Variants in GRIA4 observed in about 807,000 individuals in gnomAD.
The protein encoded by GRIA4 is glutamate ionotropic receptor AMPA type subunit 4, also known as glutamate receptor 4.
Under a neutral mutation model 104.0 loss-of-function variants are expected in GRIA4, and 34 were observed. The observed-to-expected ratio is 0.33, with a 90% CI of 0.25 to 0.44. GRIA4 has a LOEUF of 0.44. Ranked by LOEUF, GRIA4 falls within the 20% of genes least tolerant of loss-of-function variation. The pLI, the probability that GRIA4 is intolerant of heterozygous loss-of-function variation, is 1.00. For synonymous variants in GRIA4, 386 were observed against 381.9 expected, an observed-to-expected ratio of 1.01 and a Z score of -0.13; for missense variants, 750 against 1,096.5, an observed-to-expected ratio of 0.68 and a Z score of 4.46.
At chr11:105,874,261 G>A (rs898268490) in intron 5 of GRIA4, among the ~76,000 whole-genome samples, 35 of 152,226 alleles carry the variant, frequency 2.3e-4, no homozygotes, top group African/African-American at 8.2e-4. Flanking sequence ...ACTCTGTTCT[G>A]TTCCATTGGT....
At chr11:105,858,001 T>TGTAAGG (rs1945076481) in intron 4 of GRIA4, among the ~76,000 whole-genome samples, 1 of 152,148 alleles carries the variant, frequency 6.6e-6, no homozygotes, top group Non-Finnish European at 1.5e-5. Context: ...AGTGTTGACA[T>TGTAAGG]GTAAGGGTGC....
At chr11:105,860,141 C>T (rs1945165387) in intron 4 of GRIA4, among the ~76,000 whole-genome samples, 1 of 151,994 alleles carries the variant, frequency 6.6e-6, no homozygotes, top group Admixed American at 6.6e-5. Context: ...TCTTCCTCTT[C>T]GGGGAATTTT....
At chr11:105,817,491 T>A (rs1471379991) in intron 4 of GRIA4, among the ~76,000 whole-genome samples, 2 of 151,044 alleles carry the variant, frequency 1.3e-5, no homozygotes, top group East Asian at 1.9e-4. Flanking sequence ...AGTTTTTAAA[T>A]TTTTTTTTCT....
chr11:105,870,530 CACAATGTGGAAAGGT>C lies in GRIA4; in HGVS notation c.672+8327_672+8341del, dbSNP rs1945575000. On this transcript the variant is annotated intron_variant, in intron 5 of 16. Transcript: ENST00000282499. ...AGAAGAACACAATCAAATAACGCAG[CACAATGTGGAAAGGT>C]ACAAAAAAAAAAAAGACAGAAGCAA... Among the ~76,000 whole-genome samples, 4 of 142,618 alleles carry C rather than the reference CACAATGTGGAAAGGT, an allele frequency of 2.8e-5. No individual in the cohort carries two copies. In the South Asian group the frequency reaches 9.0e-4, roughly 32 times the overall value. The allele number at this position is 142,618 out of a possible 152,430, so 93.6% of individuals were successfully genotyped here.
chr11:105,927,059 T>C, intron 13 of GRIA4, 120 bp downstream of exon 13: 2 of 661,216 alleles, frequency 3.0e-6, no homozygotes, highest in Non-Finnish European at 5.3e-6. Context: ...TAGTAATAGC[T>C]ATGTTTAAGG....
intron 14 of GRIA4, among the ~76,000 whole-genome samples, chr11:105,947,122 ATATC>A (rs1473047528): frequency 1.3e-5 from 2 of 152,208 alleles, no homozygotes; most frequent in African/African-American, 2.4e-5. Context: ...TCAAAACATA[ATATC>A]TATTTATGTA....
At chr11:105,759,731 T>C (rs981575870) in intron 4 of GRIA4, among the ~76,000 whole-genome samples, 5 of 152,162 alleles carry the variant, frequency 3.3e-5, no homozygotes, top group Non-Finnish European at 7.3e-5. Context: ...TGGGTAACTC[T>C]TATTCACCAT....
In GRIA4 at chr11:105,878,877, G is replaced by GC. The variant is rs1363624670; in HGVS notation, c.673-8636dup. On this transcript the variant is annotated intron_variant, in intron 5 of 16. Coordinates refer to ENST00000282499, the MANE Select transcript of GRIA4 (RefSeq NM_000829.4). ...TAGACAACTTGGCTCCCTGGCTTCA[G>GC]CCCCCCTTTCCAGAGGAGTAAATGG... Among the ~76,000 whole-genome samples, 14 of 152,284 alleles carry GC rather than the reference G, an allele frequency of 9.2e-5. No homozygotes were observed. In the South Asian group the frequency reaches 2.7e-3, roughly 29 times the overall value.
In GRIA4 at chr11:105,926,881, A is replaced by G; in HGVS notation, c.1988A>G (p.Lys663Arg). Residue 663 changes from lysine (K) to arginine (R), a missense_variant, in exon 13 of 17, where the codon AAA (lysine) becomes AGA (arginine). Lys to Arg is a conservative substitution (Grantham distance 26, BLOSUM62 2). This residue lies in a region of GRIA4 where 272 missense variants were observed against 524.5 expected (regional missense o/e 0.52). Coordinates refer to ENST00000282499, the MANE Select transcript of GRIA4 (RefSeq NM_000829.4). ...ATAGAAAGTGCAGAAGACCTGGCCA[A>G]ACAAACAGAAATTGCCTATGGAACA... Reference protein sequence around the residue: ...SPIESAEDLAKQTEIAYGTLD... With the variant: ...SPIESAEDLARQTEIAYGTLD... 6.2e-7 allele frequency: 1 copy of G among 1,612,516 alleles called. No individual in the cohort carries two copies.
At chr11:105,742,839 C>T (rs538357228) in intron 3 of GRIA4, among the ~76,000 whole-genome samples, 2 of 152,036 alleles carry the variant, frequency 1.3e-5, no homozygotes, top group Admixed American at 6.6e-5. Context: ...CGGGTTCAAG[C>T]GATTCTCCTG....
chr11:105,810,391 T>A (rs1943124964), intron 4 of GRIA4, among the ~76,000 whole-genome samples: 1 of 152,088 alleles, frequency 6.6e-6, no homozygotes, highest in African/African-American at 2.4e-5. Context: ...AAGAGACAGG[T>A]TTAGTTGCTC....
At chr11:105,871,484 T>G (rs1945613458) in intron 5 of GRIA4, among the ~76,000 whole-genome samples, 3 of 150,406 alleles carry the variant, frequency 2.0e-5, no homozygotes, top group African/African-American at 7.3e-5. Context: ...TTTGGGATTT[T>G]TAAAATAATA....
Position 105,753,077 on chromosome 11 carries a change from T to C in GRIA4, c.344T>C (p.Ile115Thr). ...ACCTCATTCTGCAGCGCCTTACATA[T>C]CTCCCTCATCACACCAAGTTTCCCT... is the stretch of plus-strand genomic sequence containing the variant. ...TLTSFCSALH[I>T]SLITPSFPTE... Residue 115 changes from isoleucine to threonine, a missense_variant, in exon 4 of 17, where the codon ATC becomes ACC. Around this residue, in one of 3 missense-constraint regions of GRIA4, gnomAD observed 410 missense variants for 502.7 expected, o/e 0.82. Transcript: ENST00000282499. 1 of 1,613,864 alleles carries C rather than the reference T, an allele frequency of 6.2e-7. No homozygotes were observed. The highest frequency in any genetic ancestry group is 8.5e-7 in the Non-Finnish European group (1 of 1,179,874).
At chr11:105,714,341 A>T (rs766799177) in intron 3 of GRIA4, among the ~76,000 whole-genome samples, 1 of 152,120 alleles carries the variant, frequency 6.6e-6, no homozygotes, top group Non-Finnish European at 1.5e-5. Flanking sequence ...AGTATGTATC[A>T]TCAAATCACA....
intron 3 of GRIA4, among the ~76,000 whole-genome samples, chr11:105,709,627 TGA>T (rs1393793109): frequency 6.6e-6 from 1 of 152,070 alleles, no homozygotes; most frequent in Non-Finnish European, 1.5e-5. Context: ...TCCTCCACAC[TGA>T]GAAGGGTACA....
chr11:105,812,785 A>C (rs950550290), intron 4 of GRIA4, among the ~76,000 whole-genome samples: 2 of 152,122 alleles, frequency 1.3e-5, no homozygotes, highest in African/African-American at 4.8e-5. Context: ...GATTATGAAA[A>C]AGGGCTTTGA....
intron 3 of GRIA4, among the ~76,000 whole-genome samples, chr11:105,675,734 A>G (rs182255647): frequency 6.6e-6 from 1 of 151,964 alleles, no homozygotes; most frequent in Non-Finnish European, 1.5e-5. Flanking sequence ...GGCATGGCTT[A>G]CCAAGTGCTT....
At chr11:105,695,657 G>A (rs1272032933) in intron 3 of GRIA4, among the ~76,000 whole-genome samples, 4 of 152,116 alleles carry the variant, frequency 2.6e-5, no homozygotes, top group African/African-American at 9.7e-5. Context: ...GACTGCATTT[G>A]GAGCATAGCC....
chr11:105,954,549 T>C (rs1948536211), intron 14 of GRIA4, among the ~76,000 whole-genome samples: 1 of 152,174 alleles, frequency 6.6e-6, no homozygotes, highest in Non-Finnish European at 1.5e-5. Context: ...ATCAACATTA[T>C]GTATATGTAT....
Sources: allele counts gnomAD v4.1 joint callset (sites outside exome capture counted in the v4.1 genomes callset), GRCh38; gene constraint gnomAD v4.1.1; regional missense constraint gnomAD v4.1.1; transcripts MANE v1.5; gene names NCBI Gene and HGNC (gene_info 2026-07-23, HGNC 2026-07-21).